ACBD7: variants seen among roughly 807,000 people sequenced by gnomAD.
ACBD7 encodes acyl-CoA binding domain containing 7, also known as acyl-CoA-binding domain-containing protein 7.
In ACBD7, 11 loss-of-function variants were observed where a neutral mutation model predicts 13.7. The ratio of observed to expected loss-of-function variants is 0.80; its 90% confidence interval spans 0.50 to 1.33. ACBD7 has a LOEUF of 1.33. Ranked by LOEUF, ACBD7 falls within the 40% of genes most tolerant of loss-of-function variation. The pLI, the probability that ACBD7 is intolerant of heterozygous loss-of-function variation, is 0.00. For missense variants in ACBD7, 111 were observed against 103.0 expected, an observed-to-expected ratio of 1.08 and a Z score of -0.33; for synonymous variants, 43 against 37.7, an observed-to-expected ratio of 1.14 and a Z score of -0.51.
chr10:15,079,230 T>C (rs933684434), intron 1 of ACBD7, among the ~76,000 whole-genome samples, 190 bp from the exon 2 acceptor site: 3 of 151,512 alleles, frequency 2.0e-5, no homozygotes, highest in African/African-American at 7.3e-5. Flanking sequence ...TGAGGAACTA[T>C]AGAAAATTCT....
At chr10:15,079,991 T>C (rs1464162316) in intron 1 of ACBD7, among the ~76,000 whole-genome samples, 1 of 151,912 alleles carries the variant, frequency 6.6e-6, no homozygotes, top group Non-Finnish European at 1.5e-5. Context: ...ATGCAGGGGC[T>C]TCGCTACCAG....
intron 1 of ACBD7, among the ~76,000 whole-genome samples, chr10:15,083,595 C>T (rs538464853): frequency 6.6e-6 from 1 of 152,320 alleles, no homozygotes; most frequent in East Asian, 1.9e-4. Flanking sequence ...ATCCTCCCAC[C>T]TCAGCCTCCC....
chr10:15,079,463 T>C (rs1448796836), intron 1 of ACBD7, among the ~76,000 whole-genome samples: 1 of 151,728 alleles, frequency 6.6e-6, no homozygotes, highest in African/African-American at 2.4e-5. Flanking sequence ...TTTGTAGAGA[T>C]GGGGTTTTGT....
At chr10:15,082,930 C>T (rs1244370033) in intron 1 of ACBD7, among the ~76,000 whole-genome samples, 1 of 151,994 alleles carries the variant, frequency 6.6e-6, no homozygotes, top group Non-Finnish European at 1.5e-5. Flanking sequence ...CCCAGCTACT[C>T]AGGAGACTGA....
rs1394789891 is a variant in ACBD7 at position 15,075,530 on chromosome 10, T to A, written c.*3000A>T. 6.6e-6 allele frequency among the ~76,000 whole-genome samples: 1 copy of A among 152,204 alleles called. No individual in the cohort carries two copies. Among genetic ancestry groups the A allele is most frequent in the Non-Finnish European group, 1.5e-5 (1 of 68,034 alleles). ...ACTGTTATGCAAAACTATAGTATAA[T>A]ATCACAATCAGCATATTGGTGTTGC... On this transcript the variant is annotated 3_prime_UTR_variant, in exon 4 of 4. Coordinates refer to ENST00000356189, the MANE Select transcript of ACBD7 (RefSeq NM_001039844.3).
At chr10:15,083,890 C>T (rs1844777637) in intron 1 of ACBD7, among the ~76,000 whole-genome samples, 2 of 152,260 alleles carry the variant, frequency 1.3e-5, no homozygotes, top group African/African-American at 4.8e-5. Flanking sequence ...CTCCGACAGG[C>T]CAGGCCTTTG....
chr10:15,079,150 TG>T lies in ACBD7; in HGVS notation c.13-111del, dbSNP rs1844719668. ...AAGTAGAAATGAACTTCTGCTGCTC[TG>T]GTTCTATCAGAATCATCTTAATTTA... On this transcript the variant is annotated intron_variant, in intron 1 of 3. Coordinates refer to ENST00000356189, the MANE Select transcript of ACBD7 (RefSeq NM_001039844.3). 4 of 564,604 alleles carry T rather than the reference TG, an allele frequency of 7.1e-6. No homozygotes were observed. The South Asian group carries it at 1.4e-4, about 20-fold the overall frequency. 35.0% of individuals were successfully genotyped at this position (564,604 alleles called of 1,614,324 possible).
intron 1 of ACBD7, among the ~76,000 whole-genome samples, chr10:15,085,090 A>G (rs1844794262): frequency 6.6e-6 from 1 of 152,196 alleles, no homozygotes; most frequent in Admixed American, 6.5e-5. Flanking sequence ...ACTGCAGCCA[A>G]TGCTGAGCTG....
At chr10:15,081,423 GA>G (rs1234063217) in intron 1 of ACBD7, among the ~76,000 whole-genome samples, 1 of 152,182 alleles carries the variant, frequency 6.6e-6, no homozygotes, top group Non-Finnish European at 1.5e-5. Flanking sequence ...GACCCATCCA[GA>G]TTAAGTAAAT....
In ACBD7 at chr10:15,076,071, A is replaced by AAT; in HGVS notation, c.*2457_*2458dup. 1.0e-6 allele frequency: 1 copy of AAT among 971,624 alleles called. No homozygotes were observed. Among genetic ancestry groups the AAT allele is most frequent in the Non-Finnish European group, 1.2e-6 (1 of 817,502 alleles). The allele number at this position is 971,624 out of a possible 1,614,324, so 60.2% of individuals were successfully genotyped here. A position where few individuals can be genotyped will look rare whatever the true frequency, so the allele number is the denominator to read the frequency against. On this transcript the variant is annotated 3_prime_UTR_variant, in exon 4 of 4. Transcript: ENST00000356189. ...GGGACTGGCTTTTTCTGCTCAGCAT[A>AAT]ATTCCCTGGAAATTCATCTAGCAGA...
In ACBD7 at chr10:15,077,463, G is replaced by C. The variant is rs944151381; in HGVS notation, c.*1067C>G. On this transcript the variant is annotated 3_prime_UTR_variant, in exon 4 of 4. Coordinates refer to ENST00000356189, the MANE Select transcript of ACBD7 (RefSeq NM_001039844.3). Reference sequence around the variant, plus strand: ...ATGGAGTGTGGAATAATAGACACTGGAGGCTTGGAAAGGTGGGAGGGGGTG... The same window carrying C: ...ATGGAGTGTGGAATAATAGACACTGCAGGCTTGGAAAGGTGGGAGGGGGTG... 6.6e-5 allele frequency: 10 copies of C among 152,152 alleles called. No homozygotes were observed. Among genetic ancestry groups the C allele is most frequent in the African/African-American group, 2.4e-4 (10 of 41,438 alleles). The allele number at this position is 152,152 out of a possible 1,614,324, so 9.4% of individuals were successfully genotyped here. A position where few individuals can be genotyped will look rare whatever the true frequency, so the allele number is the denominator to read the frequency against.
intron 1 of ACBD7, among the ~76,000 whole-genome samples, chr10:15,086,264 G>A (rs1235075180): frequency 4.0e-5 from 6 of 151,342 alleles, no homozygotes; most frequent in African/African-American, 1.2e-4. Context: ...TCAAGATCAC[G>A]CCATTGCACT....
rs1491255609 is a variant in ACBD7, at chr10:15,079,266, TTC to T, written c.13-228_13-227del. On this transcript the variant is annotated intron_variant, in intron 1 of 3. Coordinates refer to ENST00000356189, the MANE Select transcript of ACBD7 (RefSeq NM_001039844.3). ...TAATACAGAAAATGTTCGGTTTAACTTCTTTTTTTTTTTTTTTTTTTGAGCCA... is the reference window on the plus strand; with the variant it reads ...TAATACAGAAAATGTTCGGTTTAACTTTTTTTTTTTTTTTTTTTTGAGCCA... 1.0e-3 allele frequency among the ~76,000 whole-genome samples: 122 copies of T among 119,868 alleles called. 1 individual carries two copies. The highest frequency in any genetic ancestry group is 4.0e-3 in the African/African-American group (112 of 27,784). The allele number at this position is 119,868 out of a possible 152,430, so 78.6% of individuals were successfully genotyped here. A position where few individuals can be genotyped will look rare whatever the true frequency, so the allele number is the denominator to read the frequency against.
chr10:15,076,025 G>T lies in ACBD7; in HGVS notation c.*2505C>A. ...AAAGAAAAAGAATGTTATATAAATG[G>T]AATTATACATGTCACATTTGGGGAC... On this transcript the variant is annotated 3_prime_UTR_variant, in exon 4 of 4. Transcript: ENST00000356189. 3 of 652,734 alleles carry T rather than the reference G, an allele frequency of 4.6e-6. No individual in the cohort carries two copies. Among genetic ancestry groups the T allele is most frequent in the Non-Finnish European group, 5.7e-6 (3 of 526,270 alleles). The allele number at this position is 652,734 out of a possible 1,614,324, so 40.4% of individuals were successfully genotyped here. A position where few individuals can be genotyped will look rare whatever the true frequency, so the allele number is the denominator to read the frequency against.
Position 15,078,581 on chromosome 10 carries a change from C to T in ACBD7, c.216G>A (p.Thr72=), listed in dbSNP as rs144913185. The change falls in exon 4 of 4, where the codon ACG becomes ACA. Residue 72 remains threonine, a synonymous_variant. Coordinates refer to ENST00000356189, the MANE Select transcript of ACBD7 (RefSeq NM_001039844.3). Reference sequence around the variant, plus strand: ...CCTTTGCTTTAGAAATATAGGCACTCGTCGCATCTTCCGTCGACAACCCTA... The same window carrying T: ...CCTTTGCTTTAGAAATATAGGCACTTGTCGCATCTTCCGTCGACAACCCTA... The part of the protein sequence containing the change: ...LKKGLSTEDA[T]SAYISKAKEL... The T allele has an allele frequency of 1.5e-5, 24 of 1,614,084 alleles. 1 individual carries two copies. Among genetic ancestry groups the T allele is most frequent in the South Asian group, 2.2e-5 (2 of 91,064 alleles).
Position 15,076,755 on chromosome 10 carries a change from G to A in ACBD7, c.*1775C>T, listed in dbSNP as rs764233655. ...CTGACCTCAGTAATCCACCTACCTC[G>A]GCCTCCCAAAGTGCTGAGATTAGAG... is the stretch of plus-strand genomic sequence containing the variant. On this transcript the variant is annotated 3_prime_UTR_variant, in exon 4 of 4. Coordinates refer to ENST00000356189, the MANE Select transcript of ACBD7 (RefSeq NM_001039844.3). The A allele has an allele frequency of 2.5e-5, 24 of 974,608 alleles. No individual in the cohort carries two copies. The highest frequency in any genetic ancestry group is 3.5e-5 in the African/African-American group (2 of 56,956). The allele number at this position is 974,608 out of a possible 1,614,324, so 60.4% of individuals were successfully genotyped here. A position where few individuals can be genotyped will look rare whatever the true frequency, so the allele number is the denominator to read the frequency against.
intron 1 of ACBD7, among the ~76,000 whole-genome samples, chr10:15,085,955 G>A (rs1314514740): frequency 2.6e-5 from 4 of 152,148 alleles, no homozygotes; most frequent in Non-Finnish European, 1.5e-5. Flanking sequence ...ACATGCCAGT[G>A]AGGTAATAAA....
rs758704179 is a variant in ACBD7, at chr10:15,078,707, T to C, written c.177A>G (p.Ala59=). The change falls in exon 3 of 4, where the codon GCA becomes GCG. Residue 59 remains alanine (A), a synonymous_variant. Coordinates refer to ENST00000356189, the MANE Select transcript of ACBD7 (RefSeq NM_001039844.3). ...LDLKGKAKWE[A]WNLKKGLSTE... ...CTAAAAAACCTTTTTTGAGGTTCCA[T>C]GCTTCCCATTTGGCTTTGCCTTTTA... The C allele has an allele frequency of 5.0e-6, 8 of 1,613,980 alleles. No individual in the cohort carries two copies. Among genetic ancestry groups the C allele is most frequent in the Middle Eastern group, 1.6e-4 (1 of 6,084 alleles).
intron 1 of ACBD7, among the ~76,000 whole-genome samples, chr10:15,086,569 C>CATAAGT (rs1048493660): frequency 2.6e-5 from 4 of 152,118 alleles, no homozygotes; most frequent in Admixed American, 2.6e-4. Flanking sequence ...AGTATAAACA[C>CATAAGT]ATAAGTCACG....
Sources: allele counts gnomAD v4.1 joint callset (sites outside exome capture counted in the v4.1 genomes callset), GRCh38; gene constraint gnomAD v4.1.1; transcripts MANE v1.5; gene names NCBI Gene and HGNC (gene_info 2026-07-23, HGNC 2026-07-21).